TMEM74: variants seen among roughly 807,000 people sequenced by gnomAD.
The protein encoded by TMEM74 is transmembrane protein 74.
A neutral mutation model predicts 18.1 loss-of-function variants in TMEM74; 13 were observed. The observed-to-expected ratio is 0.72, with a 90% CI of 0.47 to 1.14. TMEM74 has a LOEUF of 1.14. Ranked by LOEUF, TMEM74 falls within the 50% of genes most tolerant of loss-of-function variation. The pLI is 0.00. For synonymous variants in TMEM74, 159 were observed against 146.6 expected (o/e 1.08, Z -0.61); for missense variants, 372 against 375.9 (o/e 0.99, Z 0.09).
chr8:108,648,038 G>T (rs1345439764), intron 2 of TMEM74, among the ~76,000 whole-genome samples: 1 of 152,136 alleles, frequency 6.6e-6, no homozygotes, highest in Non-Finnish European at 1.5e-5. Flanking sequence ...ATCAAAGAGG[G>T]AAGGCCTTAG....
At chr8:108,616,860 C>T (rs1812388793) in intron 2 of TMEM74, among the ~76,000 whole-genome samples, 1 of 151,678 alleles carries the variant, frequency 6.6e-6, no homozygotes, top group Non-Finnish European at 1.5e-5. Flanking sequence ...GTGAATGATC[C>T]CCCTTAGATG....
chr8:108,717,087 T>C (rs564011038), intron 1 of TMEM74, among the ~76,000 whole-genome samples: 103 of 152,170 alleles, frequency 6.8e-4, no homozygotes, highest in Middle Eastern at 3.4e-3. Flanking sequence ...AAAATTTGCA[T>C]GATCTTGACA....
intron 1 of TMEM74, among the ~76,000 whole-genome samples, chr8:108,675,303 T>C (rs1336586688): frequency 6.6e-6 from 1 of 152,158 alleles, no homozygotes; most frequent in African/African-American, 2.4e-5. Context: ...GACCTGAAAC[T>C]AAAAGTAAAA....
chr8:108,678,368 T>A (rs1028169032), intron 1 of TMEM74, among the ~76,000 whole-genome samples: 2 of 152,066 alleles, frequency 1.3e-5, no homozygotes, highest in Non-Finnish European at 1.5e-5. Context: ...TTATTATTAT[T>A]TATTTTTAGT....
At chr8:108,617,909 A>G (rs758943309) in intron 2 of TMEM74, among the ~76,000 whole-genome samples, 1 of 152,090 alleles carries the variant, frequency 6.6e-6, no homozygotes, top group Non-Finnish European at 1.5e-5. Flanking sequence ...CCCCACCCCC[A>G]TTCTCCCAGC....
intron 1 of TMEM74, among the ~76,000 whole-genome samples, chr8:108,726,491 T>G (rs1430319743): frequency 6.6e-6 from 1 of 152,188 alleles, no homozygotes; most frequent in East Asian, 1.9e-4. Context: ...ATTTTTGAAA[T>G]TGTGGAATGC....
intron 1 of TMEM74, among the ~76,000 whole-genome samples, chr8:108,673,964 T>A (rs1204073535): frequency 1.3e-5 from 2 of 152,154 alleles, no homozygotes; most frequent in Admixed American, 1.3e-4. Context: ...ATTTTAAAAA[T>A]TTCCTATTAT....
intron 1 of TMEM74, among the ~76,000 whole-genome samples, chr8:108,680,961 G>A (rs934393911): frequency 6.6e-6 from 1 of 152,154 alleles, no homozygotes; most frequent in African/African-American, 2.4e-5. Flanking sequence ...ACTTACAAGG[G>A]ATGTGAAGGA....
At chr8:108,786,295 G>T (rs1224862758) in intron 1 of TMEM74, among the ~76,000 whole-genome samples, 1 of 152,184 alleles carries the variant, frequency 6.6e-6, no homozygotes, top group African/African-American at 2.4e-5. Flanking sequence ...CTCTGCCTCT[G>T]CCATGTTTCT....
chr8:108,613,686 A>G (rs1257990494), intron 2 of TMEM74, among the ~76,000 whole-genome samples: 1 of 152,214 alleles, frequency 6.6e-6, no homozygotes. Context: ...CACAAAGAGA[A>G]TGCAAATGCC....
intron 1 of TMEM74, among the ~76,000 whole-genome samples, chr8:108,786,417 C>T (rs1433285978): frequency 3.9e-5 from 6 of 152,162 alleles, no homozygotes; most frequent in Non-Finnish European, 1.5e-5. Context: ...CTTGAGGCTT[C>T]TTATAATTCA....
downstream of TMEM74, among the ~76,000 whole-genome samples, chr8:108,778,364 G>A (rs185584414): frequency 6.6e-6 from 1 of 152,126 alleles, no homozygotes; most frequent in African/African-American, 2.4e-5. Context: ...ATGTAAAAAG[G>A]TGGCTGCATC....
In TMEM74 at chr8:108,784,415, C is replaced by G. The variant is rs148272291; in HGVS notation, c.684G>C (p.Leu228=). 5.9e-4 allele frequency: 954 copies of G among 1,614,132 alleles called. 1 individual carries two copies. The highest frequency in any genetic ancestry group is 7.6e-4 in the Non-Finnish European group (892 of 1,180,020). ...AGAGCCCCGCAATCACACAGCGGTC[C>G]AGGTGAGCCCCCAGCCTCGCACTCT... ...EKESARLGAH[L]DRCVIAGLCL... Residue 228 remains leucine (L), a synonymous_variant, in exon 2 of 2, where the codon CTG becomes CTC. Coordinates refer to ENST00000297459, the MANE Select transcript of TMEM74 (RefSeq NM_153015.3).
chr8:108,755,332 AC>A, intron 1 of TMEM74, among the ~76,000 whole-genome samples: 1 of 152,072 alleles, frequency 6.6e-6, no homozygotes, highest in Non-Finnish European at 1.5e-5. Flanking sequence ...ACACAGTTAA[AC>A]TGTGCCTGGA....
At position 108,712,759 on chromosome 8, in the gene TMEM74, A is replaced by T. The variant is rs928510566; in HGVS notation, n.120-57322T>A. Among the ~76,000 whole-genome samples the T allele has an allele frequency of 2.6e-5, 4 of 152,110 alleles. No homozygotes were observed. In the East Asian group the frequency reaches 7.7e-4, roughly 29 times the overall value. On this transcript the variant is annotated intron_variant and non_coding_transcript_variant, in intron 1 of 3. Transcript: ENST00000518838. Reference sequence around the variant, plus strand: ...TGTGTTGTATTTAATACAAGATGAAAACTCATAACAAGCCTGTCAACTAAA... The same window carrying T: ...TGTGTTGTATTTAATACAAGATGAATACTCATAACAAGCCTGTCAACTAAA...
chr8:108,755,798 G>A (rs988836155), intron 1 of TMEM74, among the ~76,000 whole-genome samples: 2 of 151,994 alleles, frequency 1.3e-5, no homozygotes, highest in East Asian at 3.9e-4. Flanking sequence ...AAAGTTCAGA[G>A]TAGACATTGG....
At chr8:108,756,152 T>C (rs78083198) in intron 1 of TMEM74, among the ~76,000 whole-genome samples, 4,942 of 152,110 alleles carry the variant, frequency 0.032, 256 homozygotes, top group African/African-American at 0.11. Flanking sequence ...AACGATTAGG[T>C]TTTATCCACC....
At chr8:108,627,447 T>C (rs914147364) in intron 2 of TMEM74, among the ~76,000 whole-genome samples, 5 of 151,958 alleles carry the variant, frequency 3.3e-5, no homozygotes, top group African/African-American at 1.2e-4. Context: ...ACCTGTAAAG[T>C]AGGGATAATG....
intron 1 of TMEM74, among the ~76,000 whole-genome samples, chr8:108,760,656 C>T (rs1814033515): frequency 6.6e-6 from 1 of 151,976 alleles, no homozygotes; most frequent in Non-Finnish European, 1.5e-5. Flanking sequence ...AAAATTCTCT[C>T]ATGTCACTTT....
Sources: gnomAD v4.1 joint callset for allele counts (sites outside exome capture counted in the v4.1 genomes callset) on GRCh38, gnomAD v4.1.1 for gene constraint, MANE v1.5 for transcripts, NCBI Gene and HGNC (gene_info 2026-07-23, HGNC 2026-07-21) for gene names.